COL5A1: variants seen among roughly 807,000 people sequenced by gnomAD.
COL5A1 encodes the protein collagen type V alpha 1 chain.
A neutral mutation model predicts 263.7 loss-of-function variants in COL5A1; 16 were observed. That is an observed-to-expected ratio of 0.06 (90% CI 0.04 to 0.09). The LOEUF (loss-of-function observed/expected upper bound fraction) is 0.09, where lower values mean the gene tolerates loss of function less well. COL5A1 is among the 10% of genes least tolerant of loss of function. COL5A1 has a pLI of 1.00. For synonymous variants in COL5A1, 1,012 were observed against 1,004.5 expected, an observed-to-expected ratio of 1.01 and a Z score of -0.14; for missense variants, 2,036 against 2,540.5, an observed-to-expected ratio of 0.80 and a Z score of 4.27.
intron 11 of COL5A1, among the ~76,000 whole-genome samples, chr9:134,746,119 C>T (rs562234605): frequency 6.6e-6 from 1 of 152,318 alleles, no homozygotes; most frequent in African/African-American, 2.4e-5. Flanking sequence ...ACCCTTCAGC[C>T]CACCGCGCGT....
intron 65 of COL5A1, 56 bp downstream of exon 65, chr9:134,835,260 C>T (rs1362422737): frequency 1.7e-5 from 25 of 1,483,274 alleles, no homozygotes; most frequent in African/African-American, 5.5e-5. Context: ...GGGGCTCGCT[C>T]CTCACTCAGC....
At position 134,738,289 on chromosome 9, in the gene COL5A1, A is replaced by G. The variant is rs180742871; in HGVS notation, c.1390-185A>G. On this transcript the variant is annotated intron_variant, in intron 9 of 65. Transcript: ENST00000371817. ...GGTTGCTCTTCTGCCAGCGAGTGCC[A>G]GGAGGACAGCCACTGAGGCCCCACC... 7.2e-4 allele frequency among the ~76,000 whole-genome samples: 110 copies of G among 152,304 alleles called. 1 individual carries two copies. Among genetic ancestry groups the G allele is most frequent in the African/African-American group, 2.6e-3 (109 of 41,572 alleles).
chr9:134,827,419 T>G (rs2132894105), intron 63 of COL5A1, among the ~76,000 whole-genome samples: 1 of 152,316 alleles, frequency 6.6e-6, no homozygotes. Flanking sequence ...ACAAACCCTG[T>G]TCAGAGAGAA....
intron 22 of COL5A1, 147 bp from the exon 23 acceptor site, chr9:134,766,853 G>C: frequency 1.2e-6 from 1 of 806,850 alleles, no homozygotes; most frequent in Non-Finnish European, 2.1e-6. Context: ...TCTGTGGTGG[G>C]ACCCGGCCGC....
chr9:134,775,059 TG>T (rs1325299538), intron 27 of COL5A1, 147 bp downstream of exon 27: 1 of 787,772 alleles, frequency 1.3e-6, no homozygotes, highest in African/African-American at 1.7e-5. Context: ...GTCACTTGTG[TG>T]GACGCTAGGT....
chr9:134,836,874 C>T (rs538225315), intron 65 of COL5A1, among the ~76,000 whole-genome samples: 9 of 152,366 alleles, frequency 5.9e-5, no homozygotes, highest in Middle Eastern at 3.4e-3. Flanking sequence ...CTACTGCCTT[C>T]TGCGATTGGT....
At chr9:134,797,683 G>A (rs1043221657) in intron 36 of COL5A1, among the ~76,000 whole-genome samples, 1 of 151,968 alleles carries the variant, frequency 6.6e-6, no homozygotes, top group Non-Finnish European at 1.5e-5. Flanking sequence ...GGGTTTCACC[G>A]TGTTGGCCAG....
chr9:134,669,003 TCAC>T (rs1832445756), intron 1 of COL5A1, among the ~76,000 whole-genome samples: 1 of 30,878 alleles, frequency 3.2e-5, no homozygotes, highest in African/African-American at 1.2e-4. Context: ...ACCCACCCAC[TCAC>T]CCAACCATCC....
In COL5A1 at chr9:134,757,820, G is replaced by A. The variant is rs915115503; in HGVS notation, c.1882-423G>A. Among the ~76,000 whole-genome samples the A allele has an allele frequency of 4.6e-5, 7 of 152,140 alleles. No individual in the cohort carries two copies. Among genetic ancestry groups the A allele is most frequent in the Non-Finnish European group, 7.3e-5 (5 of 68,028 alleles). ...CTGGCCCGTCCACCAATGGGTACGC[G>A]TACCTCCTGAGCGCGGGCAGCCCCT... On this transcript the variant is annotated intron_variant, in intron 17 of 65. Coordinates refer to ENST00000371817, the MANE Select transcript of COL5A1 (RefSeq NM_000093.5). The surrounding 1 kb of genome is among the most constrained non-coding windows in gnomAD (Gnocchi z 6.2).
intron 1 of COL5A1, among the ~76,000 whole-genome samples, chr9:134,666,976 G>A (rs531360991): frequency 1.3e-5 from 2 of 152,198 alleles, no homozygotes; most frequent in East Asian, 3.9e-4. Flanking sequence ...TGATGACAGG[G>A]TGATGACACA....
intron 3 of COL5A1, 87 bp from the exon 4 acceptor site, chr9:134,701,084 T>C: frequency 2.8e-6 from 4 of 1,414,422 alleles, no homozygotes; most frequent in Non-Finnish European, 3.0e-6. Context: ...GTGGGCCTTC[T>C]TCCTGTGTCT....
intron 11 of COL5A1, among the ~76,000 whole-genome samples, chr9:134,744,977 C>T (rs936229425): frequency 3.9e-5 from 6 of 152,266 alleles, no homozygotes; most frequent in Admixed American, 2.0e-4. Flanking sequence ...CACCTCCACA[C>T]GGCCCTTCCA....
intron 11 of COL5A1, among the ~76,000 whole-genome samples, chr9:134,748,563 T>C (rs1240100078): frequency 6.6e-6 from 1 of 152,264 alleles, no homozygotes; most frequent in Non-Finnish European, 1.5e-5. Flanking sequence ...TGTATGTCAA[T>C]GACAAAACCT....
chr9:134,698,228 G>A (rs1833552309), intron 2 of COL5A1, among the ~76,000 whole-genome samples: 1 of 152,244 alleles, frequency 6.6e-6, no homozygotes, highest in South Asian at 2.1e-4. Flanking sequence ...GCTGTCCCCA[G>A]CTTTGGGGGC....
At position 134,796,479 on chromosome 9, in the gene COL5A1, G is replaced by A. The variant is rs565301687; in HGVS notation, c.2844+61G>A. ...GCAGAGCCTGCCTCGAATGCCCCCT[G>A]CACTTTGTCCTGGGGTGGGCTGGGG... On this transcript the variant is annotated intron_variant, in intron 35 of 65. Coordinates refer to ENST00000371817, the MANE Select transcript of COL5A1 (RefSeq NM_000093.5). 239 of 1,560,658 alleles carry A rather than the reference G, an allele frequency of 1.5e-4. No homozygotes were observed. The Middle Eastern group carries it at 1.8e-3, about 12-fold the overall frequency.
rs546123022 is a variant in COL5A1, at chr9:134,714,638, ATGGTGG to A, written c.655-12615_655-12610del. 6.3e-3 allele frequency among the ~76,000 whole-genome samples: 686 copies of A among 108,256 alleles called. 9 individuals are homozygous for A. The highest frequency in any genetic ancestry group is 0.023 in the African/African-American group (630 of 27,076). The allele number at this position is 108,256 out of a possible 152,430, so 71.0% of individuals were successfully genotyped here. Reference sequence around the variant, plus strand: ...GCTGATGAAGGTGGTGGTGGAGGTGATGGTGGTGGTGGTGGTGGAGGCGATGATAGT... The same window carrying A: ...GCTGATGAAGGTGGTGGTGGAGGTGATGGTGGTGGTGGAGGCGATGATAGT... On this transcript the variant is annotated intron_variant, in intron 4 of 65. Coordinates refer to ENST00000371817, the MANE Select transcript of COL5A1 (RefSeq NM_000093.5).
intron 64 of COL5A1, among the ~76,000 whole-genome samples, chr9:134,830,986 G>T (rs1463298221): frequency 6.6e-6 from 1 of 152,252 alleles, no homozygotes; most frequent in East Asian, 1.9e-4. Flanking sequence ...CGGGTTCCGG[G>T]TGTCATTTAT....
At position 134,774,894 on chromosome 9, in the gene COL5A1, A is replaced by T; in HGVS notation, c.2367A>T (p.Pro789=). 6.2e-7 allele frequency: 1 copy of T among 1,613,636 alleles called. No individual in the cohort carries two copies. Among genetic ancestry groups the T allele is most frequent in the Non-Finnish European group, 8.5e-7 (1 of 1,179,810 alleles). Residue 789 remains proline, a synonymous_variant, in exon 27 of 66, where the codon CCA becomes CCT. Transcript: ENST00000371817. ...GCCCCCAGGGTCCGATTGGCTACCC[A>T]GGTCCTCGAGGAGTCAAGGTGAGAG... ...PPGPQGPIGY[P]GPRGVKGADG... is the part of the protein sequence containing the mutation.
intron 1 of COL5A1, among the ~76,000 whole-genome samples, chr9:134,676,749 G>A (rs1490890232): frequency 6.6e-6 from 1 of 152,210 alleles, no homozygotes; most frequent in Non-Finnish European, 1.5e-5. Context: ...TCCCTTAGTT[G>A]GTTTGTTCAT....
Sources: gnomAD v4.1 joint callset for allele counts (sites outside exome capture counted in the v4.1 genomes callset) on GRCh38, gnomAD v4.1.1 for gene constraint, Gnocchi (gnomAD v3.1) non-coding constraint, MANE v1.5 for transcripts, NCBI Gene and HGNC (gene_info 2026-07-23, HGNC 2026-07-21) for gene names.